CD99L2: variants seen among roughly 807,000 people sequenced by gnomAD.
CD99L2 encodes CD99 antigen-like protein 2.
A neutral mutation model predicts 27.3 loss-of-function variants in CD99L2; 24 were observed. That is an observed-to-expected ratio of 0.88 (90% CI 0.64 to 1.24). The LOEUF (loss-of-function observed/expected upper bound fraction) is 1.24, where lower values mean the gene tolerates loss of function less well. Among genes scored for constraint, CD99L2 ranks in the 50% most tolerant of loss-of-function variants. CD99L2 has a pLI of 0.00. For synonymous variants in CD99L2, 97 were observed against 87.9 expected (o/e 1.10, Z -0.58); for missense variants, 255 against 221.6 (o/e 1.15, Z -0.96).
Position 150,814,516 on chromosome X carries a change from TAA to T in CD99L2, c.277+344_277+345del, listed in dbSNP as rs782318917. 5.0e-3 allele frequency among the ~76,000 whole-genome samples: 569 copies of T among 112,818 alleles called. 7 individuals are homozygous for T. The highest frequency in any genetic ancestry group is 0.014 in the Middle Eastern group (3 of 216). The stretch of plus-strand genomic sequence containing the variant: ...TAACAGCGTGCCGCTCTCCTCAATA[TAA>T]GTTTTTGTCTTACCAAGCATAGTTA... On this transcript the variant is annotated intron_variant, in intron 4 of 10. Transcript: ENST00000370377.
At position 150,898,598 on chromosome X, in the gene CD99L2, C is replaced by T; in HGVS notation, c.-10G>A. On this transcript the variant is annotated 5_prime_UTR_variant, in exon 1 of 11. Coordinates refer to ENST00000370377, the MANE Select transcript of CD99L2 (RefSeq NM_031462.4). ...AGCGCCAGGCCACCATGGCTGGGAGCAGGCGGAGGGCCCCGGAGGAGCACA... is the reference window on the plus strand; with the variant it reads ...AGCGCCAGGCCACCATGGCTGGGAGTAGGCGGAGGGCCCCGGAGGAGCACA... 1 of 1,103,495 alleles carries T rather than the reference C, an allele frequency of 9.1e-7. No homozygotes were observed. Among genetic ancestry groups the T allele is most frequent in the Non-Finnish European group, 1.2e-6 (1 of 845,356 alleles). The allele number at this position is 1,103,495 out of a possible 1,213,427, so 90.9% of individuals were successfully genotyped here.
At chrX:150,847,793 T>C (rs1362915740) in intron 1 of CD99L2, among the ~76,000 whole-genome samples, 1 of 110,621 alleles carries the variant, frequency 9.0e-6, no homozygotes, top group Non-Finnish European at 1.9e-5. Context: ...CCCGACATCT[T>C]CTCCTTCATT....
intron 4 of CD99L2, among the ~76,000 whole-genome samples, chrX:150,813,520 C>T (rs782112965): frequency 3.4e-4 from 38 of 111,913 alleles, no homozygotes; most frequent in Admixed American, 3.2e-3. Flanking sequence ...GCAGGGAAAC[C>T]TAGAAAATAA....
intron 1 of CD99L2, among the ~76,000 whole-genome samples, chrX:150,845,929 G>A (rs1033493183): frequency 1.4e-4 from 16 of 112,309 alleles, no homozygotes; most frequent in African/African-American, 5.2e-4. Context: ...AGTGGCTCAC[G>A]CCTGTAATCC....
chrX:150,774,303 T>G (rs2043512153), intron 9 of CD99L2, among the ~76,000 whole-genome samples: 2 of 111,616 alleles, frequency 1.8e-5, no homozygotes, highest in Admixed American at 9.5e-5. Flanking sequence ...TGGATGCTTA[T>G]CCAAAATCTT....
At chrX:150,814,839 A>G in intron 4 of CD99L2, 23 bp downstream of exon 4, 1 of 1,127,974 alleles carries the variant, frequency 8.9e-7, no homozygotes, top group East Asian at 3.0e-5. Flanking sequence ...ATCCTGTAGT[A>G]GTTTCAACCA....
intron 9 of CD99L2, among the ~76,000 whole-genome samples, chrX:150,773,457 C>T (rs1297314749): frequency 8.9e-6 from 1 of 112,917 alleles, no homozygotes; most frequent in Non-Finnish European, 1.9e-5. Flanking sequence ...TTTAAAGTCT[C>T]AAAGCCATCC....
chrX:150,769,868 A>G (rs782292304), intron 10 of CD99L2, among the ~76,000 whole-genome samples: 1 of 112,877 alleles, frequency 8.9e-6, no homozygotes, highest in South Asian at 3.6e-4. Flanking sequence ...CAGAAGGGGG[A>G]GGGAGGGGCA....
intron 2 of CD99L2, among the ~76,000 whole-genome samples, chrX:150,825,395 G>A (rs1041177515): frequency 2.7e-5 from 3 of 111,976 alleles, no homozygotes; most frequent in East Asian, 5.7e-4. Flanking sequence ...GTACCACACA[G>A]TCTTAATTAC....
rs2043352160 is a variant in CD99L2, at chrX:150,768,645, T to C, written c.*389A>G. On this transcript the variant is annotated 3_prime_UTR_variant, in exon 11 of 11. Coordinates refer to ENST00000370377, the MANE Select transcript of CD99L2 (RefSeq NM_031462.4). Reference sequence around the variant, plus strand: ...AACCTGCCACAATGAGCCACTCCAGTGTGCAGGGGTCACAGTCCCTTGAGT... The same window carrying C: ...AACCTGCCACAATGAGCCACTCCAGCGTGCAGGGGTCACAGTCCCTTGAGT... The C allele has an allele frequency of 6.0e-6, 1 of 166,254 alleles. No homozygotes were observed. The highest frequency in any genetic ancestry group is 1.1e-5 in the Non-Finnish European group (1 of 89,318). The allele number at this position is 166,254 out of a possible 1,213,427, so 13.7% of individuals were successfully genotyped here. A position where few individuals can be genotyped will look rare whatever the true frequency, so the allele number is the denominator to read the frequency against.
intron 1 of CD99L2, among the ~76,000 whole-genome samples, chrX:150,845,037 TTC>T (rs1266162875): frequency 8.9e-6 from 1 of 112,607 alleles, no homozygotes; most frequent in African/African-American, 3.2e-5. Context: ...AGGATTTTTT[TTC>T]TTTTTTAACA....
chrX:150,889,639 T>C (rs1557422721), intron 1 of CD99L2, among the ~76,000 whole-genome samples: 1 of 112,310 alleles, frequency 8.9e-6, no homozygotes, highest in Non-Finnish European at 1.9e-5. Context: ...AGATGTTTTC[T>C]AGCTTCTCCT....
intron 4 of CD99L2, among the ~76,000 whole-genome samples, chrX:150,806,507 T>C (rs1310364953): frequency 1.8e-5 from 2 of 112,285 alleles, no homozygotes; most frequent in Non-Finnish European, 3.8e-5. Context: ...AGGTCTGACA[T>C]GCAAATGGCT....
At chrX:150,782,620 A>G (rs1158231625) in intron 7 of CD99L2, among the ~76,000 whole-genome samples, 2 of 112,245 alleles carry the variant, frequency 1.8e-5, no homozygotes, top group Non-Finnish European at 3.8e-5. Context: ...GTCTCTTCAC[A>G]TCACAGAACA....
At chrX:150,843,841 G>A (rs1485350255) in intron 1 of CD99L2, among the ~76,000 whole-genome samples, 2 of 110,558 alleles carry the variant, frequency 1.8e-5, no homozygotes, top group Non-Finnish European at 3.8e-5. Context: ...AAGCCAGGAC[G>A]CCACTCACCT....
At chrX:150,876,952 T>C (rs782600009) in intron 1 of CD99L2, among the ~76,000 whole-genome samples, 1 of 111,144 alleles carries the variant, frequency 9.0e-6, no homozygotes, top group Non-Finnish European at 1.9e-5. Flanking sequence ...AGAAAAACTA[T>C]ACTACAGTCT....
At chrX:150,840,414 C>CTT (rs782428798) in intron 1 of CD99L2, among the ~76,000 whole-genome samples, 23 of 101,394 alleles carry the variant, frequency 2.3e-4, no homozygotes, top group South Asian at 9.1e-4. Flanking sequence ...CATATATAAA[C>CTT]TTTTTTTTTT....
intron 4 of CD99L2, among the ~76,000 whole-genome samples, chrX:150,812,458 T>G (rs1557420377): frequency 8.9e-6 from 1 of 111,905 alleles, no homozygotes; most frequent in East Asian, 2.8e-4. Context: ...TGAAAAGGTG[T>G]TCAATATCAT....
chrX:150,794,164 G>A (rs1317788931), intron 6 of CD99L2, among the ~76,000 whole-genome samples: 1 of 111,847 alleles, frequency 8.9e-6, no homozygotes, highest in African/African-American at 3.3e-5. Flanking sequence ...GACATGAGAA[G>A]CAACAGAGTC....
Sources: gnomAD v4.1 joint callset for allele counts (sites outside exome capture counted in the v4.1 genomes callset) on GRCh38, gnomAD v4.1.1 for gene constraint, MANE v1.5 for transcripts, NCBI Gene and HGNC (gene_info 2026-07-23, HGNC 2026-07-21) for gene names.